The following AUTS2 variants were observed in gnomAD, a reference collection of about 807,000 sequenced individuals.
AUTS2 encodes the protein activator of transcription and developmental regulator AUTS2, also known as autism susceptibility gene 2 protein.
Under a neutral mutation model 112.4 loss-of-function variants are expected in AUTS2, and 17 were observed. The observed-to-expected ratio is 0.15, with a 90% CI of 0.10 to 0.23. The LOEUF (loss-of-function observed/expected upper bound fraction) is 0.23. AUTS2 is among the 10% of genes least tolerant of loss of function. The probability of loss-of-function intolerance (pLI) is 1.00; values close to 1 mark genes in which losing one functional copy is unlikely to be tolerated. For missense variants in AUTS2, 1,510 were observed against 1,701.6 expected, an observed-to-expected ratio of 0.89 and a Z score of 1.98; for synonymous variants, 751 against 702.7, an observed-to-expected ratio of 1.07 and a Z score of -1.09.
intron 4 of AUTS2, among the ~76,000 whole-genome samples, chr7:70,431,577 C>T (rs752326367): frequency 3.3e-5 from 5 of 151,936 alleles, no homozygotes; most frequent in African/African-American, 1.2e-4. Context: ...GTAGAGATGG[C>T]GTTTCACCAT....
chr7:70,114,007 G>A (rs1022120251), intron 2 of AUTS2, among the ~76,000 whole-genome samples: 8 of 152,160 alleles, frequency 5.3e-5, no homozygotes, highest in Non-Finnish European at 1.2e-4. Context: ...AGCATATATT[G>A]TTGACAGTGA....
chr7:70,683,329 T>C (rs1157006030), intron 5 of AUTS2, among the ~76,000 whole-genome samples: 2 of 152,198 alleles, frequency 1.3e-5, no homozygotes, highest in African/African-American at 4.8e-5. Flanking sequence ...ATCTGGTCAT[T>C]TATTTATTTA....
chr7:70,281,626 G>C (rs939955020), intron 4 of AUTS2, among the ~76,000 whole-genome samples: 1 of 152,004 alleles, frequency 6.6e-6, no homozygotes, highest in African/African-American at 2.4e-5. Flanking sequence ...ATCTGTTTGG[G>C]GTATTACAAT....
chr7:70,789,019 A>G (rs117441258), intron 18 of AUTS2, among the ~76,000 whole-genome samples: 2,692 of 152,288 alleles, frequency 0.018, 28 homozygotes, highest in South Asian at 0.056. Flanking sequence ...ATTGTTTTCA[A>G]TGTCCCCATG....
chr7:70,163,327 G>A (rs897036499), intron 4 of AUTS2, among the ~76,000 whole-genome samples: 36 of 121,094 alleles, frequency 3.0e-4, no homozygotes, highest in Non-Finnish European at 5.6e-4. Context: ...CCAAAGATGA[G>A]TGTTAGGTTG....
At chr7:70,335,485 ATTTAGCTC>A (rs1562888667) in intron 4 of AUTS2, among the ~76,000 whole-genome samples, 1 of 152,192 alleles carries the variant, frequency 6.6e-6, no homozygotes, top group African/African-American at 2.4e-5. Flanking sequence ...GGATGTGACT[ATTTAGCTC>A]TTTAACCAGG....
At chr7:70,189,788 G>A (rs1809789664) in intron 4 of AUTS2, among the ~76,000 whole-genome samples, 1 of 152,152 alleles carries the variant, frequency 6.6e-6, no homozygotes, top group Non-Finnish European at 1.5e-5. Flanking sequence ...ACTGCACGAT[G>A]AGCTTCATTT....
rs187820239 is a variant in AUTS2, at chr7:70,463,442, G to A, written c.690+27661G>A. On this transcript the variant is annotated intron_variant, in intron 5 of 18. Transcript: ENST00000342771. ...AGGACATTGGAGTACTTGTTGCAGC[G>A]TGCAAGAAGTGGACTTTGTCCAGCT... is the stretch of plus-strand genomic sequence containing the variant. Among the ~76,000 whole-genome samples the A allele has an allele frequency of 1.1e-3, 172 of 152,262 alleles. No individual in the cohort carries two copies. The Middle Eastern group carries it at 0.017, about 15-fold the overall frequency.
intron 15 of AUTS2, chr7:70,783,561 G>A (rs1431763371): frequency 6.6e-6 from 1 of 152,190 alleles, no homozygotes; most frequent in African/African-American, 2.4e-5. Flanking sequence ...AAGGATTATG[G>A]AACAGTTTTT....
chr7:69,782,366 G>GTT (rs35095976), intron 1 of AUTS2, among the ~76,000 whole-genome samples: 28 of 137,816 alleles, frequency 2.0e-4, no homozygotes, highest in African/African-American at 6.4e-4. Context: ...TCTCTCTCTT[G>GTT]TTTTTTTTTT....
At chr7:69,994,295 T>C (rs1798856390) in intron 2 of AUTS2, among the ~76,000 whole-genome samples, 1 of 152,226 alleles carries the variant, frequency 6.6e-6, no homozygotes, top group South Asian at 2.1e-4. Flanking sequence ...ATCGTTACTA[T>C]GCAGAATTGC....
At chr7:70,196,201 G>A (rs1356280029) in intron 4 of AUTS2, among the ~76,000 whole-genome samples, 1 of 152,190 alleles carries the variant, frequency 6.6e-6, no homozygotes, top group East Asian at 1.9e-4. Flanking sequence ...ACAGCTTTGG[G>A]ACTCCATTAA....
At chr7:69,689,181 G>A (rs374078007) in intron 1 of AUTS2, among the ~76,000 whole-genome samples, 1 of 151,908 alleles carries the variant, frequency 6.6e-6, no homozygotes, top group African/African-American at 2.4e-5. Context: ...TCCCTGCCTG[G>A]GGGGTTTCAT....
At chr7:69,930,177 C>T (rs184265780) in intron 2 of AUTS2, among the ~76,000 whole-genome samples, 16 of 152,270 alleles carry the variant, frequency 1.1e-4, no homozygotes, top group Non-Finnish European at 1.8e-4. Context: ...GAGTCCTGTG[C>T]GAGTCCCAAG....
intron 5 of AUTS2, among the ~76,000 whole-genome samples, chr7:70,441,909 C>T (rs1562959131): frequency 6.6e-6 from 1 of 152,148 alleles, no homozygotes; most frequent in Admixed American, 6.5e-5. Flanking sequence ...GGAAGAGTCC[C>T]ATCCCTTGGT....
intron 5 of AUTS2, among the ~76,000 whole-genome samples, chr7:70,636,174 T>A (rs1805524792): frequency 6.6e-6 from 1 of 152,210 alleles, no homozygotes; most frequent in South Asian, 2.1e-4. Flanking sequence ...TGGATGAAGC[T>A]GTGTCACGAG....
chr7:70,723,795 A>G (rs1786843241), intron 6 of AUTS2, among the ~76,000 whole-genome samples: 1 of 151,704 alleles, frequency 6.6e-6, no homozygotes, highest in Non-Finnish European at 1.5e-5. Flanking sequence ...GTTAGGAGTC[A>G]TTACCTAGAA....
chr7:70,102,652 T>G (rs894596682), intron 2 of AUTS2, among the ~76,000 whole-genome samples: 2 of 152,138 alleles, frequency 1.3e-5, no homozygotes, highest in Non-Finnish European at 2.9e-5. Flanking sequence ...TCTAATAATC[T>G]TATACTAATA....
chr7:70,123,809 A>G (rs989362206), intron 3 of AUTS2, among the ~76,000 whole-genome samples: 44 of 152,080 alleles, frequency 2.9e-4, no homozygotes, highest in African/African-American at 9.7e-4. Context: ...TGCAGTGAAC[A>G]TTTGCATGCA....
Sources: allele counts gnomAD v4.1 joint callset (sites outside exome capture counted in the v4.1 genomes callset), GRCh38; gene constraint gnomAD v4.1.1; transcripts MANE v1.5; gene names NCBI Gene and HGNC (gene_info 2026-07-23, HGNC 2026-07-21).